Variants in PCSK2 observed in about 807,000 individuals in gnomAD.
PCSK2 encodes the protein neuroendocrine convertase 2.
A neutral mutation model predicts 69.7 loss-of-function variants in PCSK2; 14 were observed. The observed-to-expected ratio is 0.20, with a 90% CI of 0.13 to 0.31. PCSK2 has a LOEUF of 0.31. PCSK2 is among the 10% of genes least tolerant of loss of function. The pLI is 1.00. For missense variants in PCSK2, 544 were observed against 842.5 expected (o/e 0.65, Z 4.39); for synonymous variants, 307 against 320.7 (o/e 0.96, Z 0.46).
chr20:17,364,053 G>T (rs917200532), intron 4 of PCSK2, among the ~76,000 whole-genome samples: 1 of 151,788 alleles, frequency 6.6e-6, no homozygotes, highest in Non-Finnish European at 1.5e-5. Context: ...CGAGTTAATG[G>T]GTGCAGCACA....
At chr20:17,362,268 G>C (rs1265662622) in intron 4 of PCSK2, among the ~76,000 whole-genome samples, 1 of 152,158 alleles carries the variant, frequency 6.6e-6, no homozygotes, top group African/African-American at 2.4e-5. Flanking sequence ...AATGGCCTTT[G>C]GGTTCCCACA....
chr20:17,324,970 G>A (rs145653857), intron 2 of PCSK2, among the ~76,000 whole-genome samples: 250 of 152,152 alleles, frequency 1.6e-3, no homozygotes, highest in African/African-American at 5.8e-3. Flanking sequence ...GCTTCTCCTT[G>A]CCACACAGTG....
At chr20:17,471,337 T>C (rs1350703928) in intron 11 of PCSK2, among the ~76,000 whole-genome samples, 1 of 152,158 alleles carries the variant, frequency 6.6e-6, no homozygotes, top group East Asian at 1.9e-4. Context: ...ATCCAGGAAC[T>C]TTATGCAAGA....
chr20:17,238,308 C>T (rs1298407898), intron 1 of PCSK2, among the ~76,000 whole-genome samples: 1 of 152,072 alleles, frequency 6.6e-6, no homozygotes, highest in Non-Finnish European at 1.5e-5. Context: ...AGATTGCTAT[C>T]CCACCAGAAT....
chr20:17,453,115 A>G lies in PCSK2; in HGVS notation c.886-627A>G, dbSNP rs1178245701. ...GATTCTAGTATCCAATTGAATAAAA[A>G]AGAATATATACATATGCACACACAC... On this transcript the variant is annotated intron_variant, in intron 8 of 11. Transcript: ENST00000262545. This position sits in a 1 kb window ranked among gnomAD's most constrained non-coding sequence, Gnocchi z 4.0. Among the ~76,000 whole-genome samples the G allele has an allele frequency of 1.3e-5, 2 of 152,200 alleles. No homozygotes were observed. The highest frequency in any genetic ancestry group is 2.9e-5 in the Non-Finnish European group (2 of 68,038).
At chr20:17,382,784 C>A (rs1486472719) in intron 5 of PCSK2, among the ~76,000 whole-genome samples, 1 of 152,132 alleles carries the variant, frequency 6.6e-6, no homozygotes, top group Admixed American at 6.5e-5. Context: ...TTAAAACCAA[C>A]AGGTGGCTCT....
chr20:17,391,266 G>A (rs1224338130), intron 5 of PCSK2, among the ~76,000 whole-genome samples: 2 of 152,180 alleles, frequency 1.3e-5, no homozygotes, highest in Non-Finnish European at 2.9e-5. Context: ...AAAGTTGAGA[G>A]AATGCTGAAA....
intron 5 of PCSK2, among the ~76,000 whole-genome samples, chr20:17,371,176 A>G (rs2030749936): frequency 6.6e-6 from 1 of 152,200 alleles, no homozygotes. Context: ...TCTCCTGTGC[A>G]TAGCATAACC....
At position 17,347,950 on chromosome 20, in the gene PCSK2, AAG is replaced by A. The variant is rs369027273; in HGVS notation, c.283-10375_283-10374del. Among the ~76,000 whole-genome samples the A allele has an allele frequency of 1.1e-4, 8 of 70,466 alleles. 2 individuals are homozygous for A. The East Asian group carries it at 2.6e-3, about 23-fold the overall frequency. 46.2% of individuals were successfully genotyped at this position (70,466 alleles called of 152,430 possible). On this transcript the variant is annotated intron_variant, in intron 2 of 11. Coordinates refer to ENST00000262545, the MANE Select transcript of PCSK2 (RefSeq NM_002594.5). The stretch of plus-strand genomic sequence containing the variant: ...GAGAAAAAAGAGAAAGAAAGAAAGA[AAG>A]AAAGAAAGAGAAAGAAAGAAAGAAA...
chr20:17,249,002 G>A (rs1473270650), intron 1 of PCSK2, among the ~76,000 whole-genome samples: 3 of 152,078 alleles, frequency 2.0e-5, no homozygotes. Context: ...AAAAAATGAG[G>A]CAGCTAGACC....
chr20:17,343,109 C>T (rs1309885592), intron 2 of PCSK2, among the ~76,000 whole-genome samples: 1 of 152,208 alleles, frequency 6.6e-6, no homozygotes, highest in Admixed American at 6.5e-5. Flanking sequence ...GACAGTCCTT[C>T]TCCAGAGACT....
chr20:17,463,285 A>G (rs1441492732), intron 10 of PCSK2: 1 of 152,120 alleles, frequency 6.6e-6, no homozygotes, highest in East Asian at 1.9e-4. Flanking sequence ...GGTCATTTAG[A>G]TCCTCATTTG....
rs115106187 is a variant in PCSK2, at chr20:17,433,202, C to T, written c.710-3506C>T. On this transcript the variant is annotated intron_variant, in intron 7 of 11. Coordinates refer to ENST00000262545, the MANE Select transcript of PCSK2 (RefSeq NM_002594.5). ...ACACTGTTGACCATTGTGAAAATGCCGTGAAATTTCTCTACCAGCTATGAA... is the reference window on the plus strand; with the variant it reads ...ACACTGTTGACCATTGTGAAAATGCTGTGAAATTTCTCTACCAGCTATGAA... Among the ~76,000 whole-genome samples, 1,341 of 152,240 alleles carry T rather than the reference C, an allele frequency of 8.8e-3. 20 individuals are homozygous for T. Among genetic ancestry groups the T allele is most frequent in the African/African-American group, 0.03 (1,248 of 41,526 alleles).
intron 2 of PCSK2, among the ~76,000 whole-genome samples, chr20:17,276,009 T>C (rs908593834): frequency 9.9e-5 from 15 of 152,280 alleles, no homozygotes; most frequent in Middle Eastern, 3.4e-3. Context: ...AATGAAATGA[T>C]GCTAGGGTAA....
chr20:17,242,965 G>A (rs966183134), intron 1 of PCSK2, among the ~76,000 whole-genome samples: 1 of 152,080 alleles, frequency 6.6e-6, no homozygotes, highest in Non-Finnish European at 1.5e-5. Context: ...GCATCCATAT[G>A]CCACTCTACC....
At chr20:17,247,884 T>A (rs576630266) in intron 1 of PCSK2, among the ~76,000 whole-genome samples, 1 of 152,180 alleles carries the variant, frequency 6.6e-6, no homozygotes, top group African/African-American at 2.4e-5. Context: ...ATGGAGTGTG[T>A]GGGTTCAGAG....
chr20:17,231,720 G>A (rs1264625294), intron 1 of PCSK2, among the ~76,000 whole-genome samples: 1 of 152,096 alleles, frequency 6.6e-6, no homozygotes, highest in East Asian at 1.9e-4. Context: ...ATTTTAGTTG[G>A]GTCCTCTGCT....
intron 2 of PCSK2, among the ~76,000 whole-genome samples, chr20:17,286,259 A>C (rs561243601): frequency 6.6e-6 from 1 of 152,342 alleles, no homozygotes; most frequent in African/African-American, 2.4e-5. Context: ...CTACTTGAAA[A>C]TTATCTGAAA....
intron 2 of PCSK2, among the ~76,000 whole-genome samples, chr20:17,333,910 C>CAT (rs3076241): frequency 0.054 from 4,635 of 86,270 alleles, 570 homozygotes; most frequent in African/African-American, 0.12. Context: ...TAAGTCACTG[C>CAT]ATATATATAT....
Sources: gnomAD v4.1 joint callset for allele counts (sites outside exome capture counted in the v4.1 genomes callset) on GRCh38, gnomAD v4.1.1 for gene constraint, Gnocchi (gnomAD v3.1) non-coding constraint, MANE v1.5 for transcripts, NCBI Gene and HGNC (gene_info 2026-07-23, HGNC 2026-07-21) for gene names.